FAM222B: variants seen among roughly 807,000 people sequenced by gnomAD.
FAM222B encodes protein FAM222B.
FAM222B carries 12 observed loss-of-function variants against 38.0 expected under a neutral mutation model. That is an observed-to-expected ratio of 0.32 (90% CI 0.20 to 0.51). The LOEUF (loss-of-function observed/expected upper bound fraction) is 0.51. Among genes scored for constraint, FAM222B ranks in the 20% least tolerant of loss-of-function variants. The probability of loss-of-function intolerance (pLI) is 0.97; values close to 1 mark genes in which losing one functional copy is unlikely to be tolerated. For synonymous variants in FAM222B, 329 were observed against 317.2 expected, an observed-to-expected ratio of 1.04 and a Z score of -0.40; for missense variants, 716 against 754.2, an observed-to-expected ratio of 0.95 and a Z score of 0.59.
At chr17:28,843,331 T>C (rs2039107613), upstream of FAM222B, among the ~76,000 whole-genome samples, 1 of 149,424 alleles carries the variant, frequency 6.7e-6, no homozygotes, top group South Asian at 2.1e-4. Context: ...GAGACGGGGT[T>C]TTATCATGTT....
At chr17:28,835,024 TTGTGTGTGTGTG>T (rs61229770) in intron 1 of FAM222B, among the ~76,000 whole-genome samples, 98 of 132,104 alleles carry the variant, frequency 7.4e-4, no homozygotes, top group South Asian at 2.4e-3. Context: ...TCAGCTAATT[TTGTGTGTGTGTG>T]TGTGTGTGTG....
upstream of FAM222B, among the ~76,000 whole-genome samples, chr17:28,843,435 C>A (rs904312715): frequency 1.4e-5 from 2 of 146,718 alleles, no homozygotes; most frequent in African/African-American, 2.5e-5. Context: ...CCGCGCCCAG[C>A]CTGGGTCTTT....
chr17:28,847,630 C>G (rs1210832853), upstream of FAM222B, among the ~76,000 whole-genome samples: 1 of 151,172 alleles, frequency 6.6e-6, no homozygotes, highest in Non-Finnish European at 1.5e-5. Flanking sequence ...TAAAGAAAAA[C>G]AAGGCCGGGC....
intron 1 of FAM222B, among the ~76,000 whole-genome samples, chr17:28,813,317 C>A (rs560419507): frequency 1.3e-5 from 2 of 152,066 alleles, no homozygotes; most frequent in East Asian, 3.9e-4. Flanking sequence ...CAGTCATATA[C>A]CTAATATTAT....
intron 1 of FAM222B, among the ~76,000 whole-genome samples, chr17:28,801,622 T>G (rs2037234127): frequency 6.6e-6 from 1 of 152,056 alleles, no homozygotes; most frequent in South Asian, 2.1e-4. Flanking sequence ...TTATTATTAT[T>G]GTTGTTCTTC....
At chr17:28,792,848 G>A (rs535533125) in intron 1 of FAM222B, among the ~76,000 whole-genome samples, 1 of 151,530 alleles carries the variant, frequency 6.6e-6, no homozygotes, top group African/African-American at 2.4e-5. Context: ...AGGAGGAGCT[G>A]TTAATGATCC....
chr17:28,796,913 A>G (rs1342722779), intron 1 of FAM222B, among the ~76,000 whole-genome samples: 2 of 151,662 alleles, frequency 1.3e-5, no homozygotes, highest in Admixed American at 1.3e-4. Flanking sequence ...AAGTAACATT[A>G]TCAGATGTCT....
At chr17:28,779,474 G>A (rs960082010) in intron 1 of FAM222B, among the ~76,000 whole-genome samples, 8 of 152,032 alleles carry the variant, frequency 5.3e-5, no homozygotes, top group East Asian at 3.9e-4. Context: ...CTGACAGGCC[G>A]GGCGCGGTGG....
intron 1 of FAM222B, among the ~76,000 whole-genome samples, chr17:28,775,962 G>A (rs1168654315): frequency 6.6e-6 from 1 of 151,712 alleles, no homozygotes; most frequent in Non-Finnish European, 1.5e-5. Flanking sequence ...TGTAATCCCA[G>A]CTACTTGGGA....
intron 1 of FAM222B, among the ~76,000 whole-genome samples, chr17:28,839,364 T>C (rs1476206641): frequency 2.0e-5 from 3 of 152,154 alleles, no homozygotes; most frequent in African/African-American, 4.8e-5. Context: ...CCCACCCCTT[T>C]TTCTTCCCCA....
chr17:28,782,148 C>A (rs2036192193), intron 1 of FAM222B, among the ~76,000 whole-genome samples: 1 of 152,032 alleles, frequency 6.6e-6, no homozygotes, highest in Non-Finnish European at 1.5e-5. Flanking sequence ...AACACAGAGA[C>A]CCCATCTCTA....
At chr17:28,839,894 G>C (rs2152628740) in intron 1 of FAM222B, among the ~76,000 whole-genome samples, 1 of 151,464 alleles carries the variant, frequency 6.6e-6, no homozygotes, top group East Asian at 1.9e-4. Flanking sequence ...TCCCATTCCT[G>C]TAAATTCACT....
chr17:28,815,838 G>A (rs1036585244), intron 1 of FAM222B, among the ~76,000 whole-genome samples: 3 of 151,834 alleles, frequency 2.0e-5, no homozygotes, highest in South Asian at 4.1e-4. Flanking sequence ...GTGGTGGCGC[G>A]CATCTGTAAT....
chr17:28,797,034 G>A (rs912319575), intron 1 of FAM222B, among the ~76,000 whole-genome samples: 3 of 122,948 alleles, frequency 2.4e-5, no homozygotes, highest in East Asian at 4.8e-4. Context: ...CAAGGATCTC[G>A]CTCTGTCACC....
At chr17:28,839,655 T>G (rs1288796280) in intron 1 of FAM222B, among the ~76,000 whole-genome samples, 1 of 152,148 alleles carries the variant, frequency 6.6e-6, no homozygotes. Context: ...CTACTCCATG[T>G]AGTAGTCAAA....
chr17:28,772,870 C>G (rs1192717372), intron 1 of FAM222B, among the ~76,000 whole-genome samples: 1 of 151,834 alleles, frequency 6.6e-6, no homozygotes, highest in South Asian at 2.1e-4. Context: ...ACTCCAGCCT[C>G]GGCGACAGAG....
chr17:28,810,373 CTGTTTTATATACTAGCTAACTT>C (rs1567870370), intron 1 of FAM222B, among the ~76,000 whole-genome samples: 7 of 152,194 alleles, frequency 4.6e-5, no homozygotes, highest in Non-Finnish European at 5.9e-5. Context: ...CTAGCTAACT[CTGTTTTATATACTAGCTAACTT>C]TGTTTTATAT....
chr17:28,769,018 G>A (rs1198670040), intron 1 of FAM222B, among the ~76,000 whole-genome samples: 2 of 151,874 alleles, frequency 1.3e-5, no homozygotes, highest in African/African-American at 2.4e-5. Flanking sequence ...CTTTAGTGAT[G>A]TTTTCTTAAT....
chr17:28,835,202 G>A (rs995459462), intron 1 of FAM222B, among the ~76,000 whole-genome samples: 1 of 151,918 alleles, frequency 6.6e-6, no homozygotes, highest in Non-Finnish European at 1.5e-5. Flanking sequence ...CTGCCACCAC[G>A]CCTGGCTAAT....
Sources: gnomAD v4.1 joint callset for allele counts (sites outside exome capture counted in the v4.1 genomes callset) on GRCh38, gnomAD v4.1.1 for gene constraint, MANE v1.5 for transcripts, NCBI Gene and HGNC (gene_info 2026-07-23, HGNC 2026-07-21) for gene names.